Variants in CIT observed in about 807,000 individuals in gnomAD.
The protein encoded by CIT is citron rho-interacting serine/threonine kinase.
A neutral mutation model predicts 272.7 loss-of-function variants in CIT; 79 were observed. The observed-to-expected ratio is 0.29, with a 90% CI of 0.24 to 0.35. The LOEUF is 0.35. Among genes scored for constraint, CIT ranks in the 10% least tolerant of loss-of-function variants. The pLI is 1.00. For missense variants in CIT, 1,909 were observed against 2,618.3 expected (o/e 0.73, Z 5.91); for synonymous variants, 948 against 995.6 (o/e 0.95, Z 0.90).
chr12:119,747,265 T>C (rs1174636261), intron 23 of CIT, among the ~76,000 whole-genome samples: 2 of 145,582 alleles, frequency 1.4e-5, no homozygotes, highest in Non-Finnish European at 3.0e-5. Context: ...TACTAAAAAT[T>C]TAAAAATTAG....
chr12:119,749,781 C>T (rs972514922), intron 23 of CIT, among the ~76,000 whole-genome samples: 1 of 151,974 alleles, frequency 6.6e-6, no homozygotes, highest in Admixed American at 6.6e-5. Flanking sequence ...TAAATTAAGT[C>T]GTGACTTGCT....
rs1306805716 is a variant in CIT, at chr12:119,760,952, C to T, written c.2408G>A (p.Ser803Asn). The T allele has an allele frequency of 1.2e-6, 2 of 1,612,644 alleles. No homozygotes were observed. The highest frequency in any genetic ancestry group is 3.3e-5 in the Admixed American group (2 of 59,996). The change falls in exon 20 of 48, where the codon AGC (serine) becomes AAC (asparagine). Residue 803 changes from serine to asparagine, a missense_variant. Around this residue, in one of 8 missense-constraint regions of CIT, gnomAD observed 530 missense variants for 822.4 expected, o/e 0.64. Coordinates refer to ENST00000392521, the MANE Select transcript of CIT (RefSeq NM_001206999.2). ...EEAHEKGKIL[S>N]EQKAMINAMD... ...CCTTCTACCTACCGCCTTCTGTTCG[C>T]TGAGAATTTTGCCCTTCTCATGGGC...
At chr12:119,743,230 T>TA (rs371168551) in intron 23 of CIT, among the ~76,000 whole-genome samples, 82 of 143,586 alleles carry the variant, frequency 5.7e-4, no homozygotes, top group East Asian at 1.4e-3. Flanking sequence ...GGGACCAGTT[T>TA]AAAAAAAAAA....
chr12:119,747,609 A>G (rs1376013439), intron 23 of CIT, among the ~76,000 whole-genome samples: 1 of 151,240 alleles, frequency 6.6e-6, no homozygotes, highest in Non-Finnish European at 1.5e-5. Flanking sequence ...AGTCCCAGCT[A>G]CTCGGGAGGC....
rs2074052 is a variant in CIT, at chr12:119,758,409, C to G, written c.2531+182G>C. Among the ~76,000 whole-genome samples the G allele has an allele frequency of 0.45, 68,182 of 151,892 alleles. 16,150 individuals are homozygous for G. Among genetic ancestry groups the G allele is most frequent in the Admixed American group, 0.56 (8,491 of 15,274 alleles). On this transcript the variant is annotated intron_variant, in intron 21 of 47. Transcript: ENST00000392521. Reference sequence around the variant, plus strand: ...TGAAGGCATTTAAGAAAACCCGACTCAAAAGTGGCAGAGTGAGACCACTTA... The same window carrying G: ...TGAAGGCATTTAAGAAAACCCGACTGAAAAGTGGCAGAGTGAGACCACTTA...
intron 7 of CIT, among the ~76,000 whole-genome samples, chr12:119,825,938 C>G (rs146087313): frequency 0.015 from 2,356 of 152,180 alleles, 32 homozygotes; most frequent in Non-Finnish European, 0.02. Flanking sequence ...TGTGGTGGTG[C>G]ACACCTGTGG....
intron 8 of CIT, among the ~76,000 whole-genome samples, chr12:119,824,536 TATC>T (rs1245355923): frequency 5.9e-5 from 9 of 152,224 alleles, no homozygotes; most frequent in Non-Finnish European, 1.2e-4. Context: ...GGTGTAGTCT[TATC>T]ATTACTGGCA....
At chr12:119,696,897 T>C (rs1425995022) in intron 46 of CIT, among the ~76,000 whole-genome samples, 1 of 152,196 alleles carries the variant, frequency 6.6e-6, no homozygotes, top group Non-Finnish European at 1.5e-5. Flanking sequence ...TGGCGATTGC[T>C]CCATGTCAGT....
intron 7 of CIT, among the ~76,000 whole-genome samples, chr12:119,829,270 G>A (rs550050137): frequency 7.2e-5 from 11 of 152,042 alleles, no homozygotes; most frequent in South Asian, 2.1e-4. Flanking sequence ...CCCAGGAGGC[G>A]GAGGTTGCAG....
intron 39 of CIT, among the ~76,000 whole-genome samples, chr12:119,709,811 T>A (rs879637536): frequency 0.038 from 5,655 of 149,376 alleles, 229 homozygotes; most frequent in African/African-American, 0.086. Context: ...TGTGTGTGTG[T>A]GTGTGTGTGT....
In CIT at chr12:119,784,846, A is replaced by C. The variant is rs1333776585; in HGVS notation, c.1401+114T>G. On this transcript the variant is annotated intron_variant, in intron 11 of 47. Transcript: ENST00000392521. This position sits in a 1 kb window ranked among gnomAD's most constrained non-coding sequence, Gnocchi z 4.7. Reference sequence around the variant, plus strand: ...ACTTCAGCGAAGGCAGGAGCGCCTCACTCTCTACGGATCAGGCGGCTCAGA... The same window carrying C: ...ACTTCAGCGAAGGCAGGAGCGCCTCCCTCTCTACGGATCAGGCGGCTCAGA... 6.8e-7 allele frequency: 1 copy of C among 1,479,948 alleles called. No individual in the cohort carries two copies. The highest frequency in any genetic ancestry group is 9.0e-7 in the Non-Finnish European group (1 of 1,116,206). 91.7% of individuals were successfully genotyped at this position (1,479,948 alleles called of 1,614,324 possible).
chr12:119,812,168 G>A (rs930134585), intron 9 of CIT, among the ~76,000 whole-genome samples: 3 of 151,820 alleles, frequency 2.0e-5, no homozygotes, highest in Non-Finnish European at 2.9e-5. Flanking sequence ...GGCTGGTCTC[G>A]AACTTCTGAC....
intron 7 of CIT, among the ~76,000 whole-genome samples, chr12:119,826,827 A>C (rs1297446675): frequency 6.6e-6 from 1 of 152,212 alleles, no homozygotes; most frequent in Non-Finnish European, 1.5e-5. Context: ...TGGGCTTTTC[A>C]CCAAGGAAGT....
In CIT at chr12:119,691,561, G is replaced by A. The variant is rs555176031; in HGVS notation, c.5883-1107C>T. On this transcript the variant is annotated intron_variant, in intron 46 of 47. Transcript: ENST00000392521. The stretch of plus-strand genomic sequence containing the variant: ...CTGATAGAGTCAGGAAACTGAGCAG[G>A]GCAGACAAAGTAAAGCGGGCTCAGA... Among the ~76,000 whole-genome samples, 13 of 152,272 alleles carry A rather than the reference G, an allele frequency of 8.5e-5. No homozygotes were observed. The East Asian group carries it at 2.5e-3, about 29-fold the overall frequency.
At chr12:119,756,349 T>C (rs1960982192) in intron 22 of CIT, among the ~76,000 whole-genome samples, 1 of 151,864 alleles carries the variant, frequency 6.6e-6, no homozygotes, top group African/African-American at 2.4e-5. Context: ...AGGGTGGGAG[T>C]GGCCCCAGCA....
chr12:119,736,854 C>T (rs932682101), intron 24 of CIT, among the ~76,000 whole-genome samples: 37 of 152,102 alleles, frequency 2.4e-4, no homozygotes, highest in East Asian at 1.9e-4. Context: ...ATAATGTCTC[C>T]ATTTAACTAC....
At chr12:119,788,920 CT>C (rs1454489930) in intron 10 of CIT, among the ~76,000 whole-genome samples, 1 of 151,986 alleles carries the variant, frequency 6.6e-6, no homozygotes, top group Non-Finnish European at 1.5e-5. Context: ...AAAATTGCAT[CT>C]AAAAAAAAGC....
intron 10 of CIT, among the ~76,000 whole-genome samples, chr12:119,793,019 T>C (rs1301634146): frequency 1.3e-5 from 2 of 151,926 alleles, no homozygotes; most frequent in East Asian, 1.9e-4. Flanking sequence ...CACCTGGAAA[T>C]ATCAAAAACA....
intron 9 of CIT, among the ~76,000 whole-genome samples, chr12:119,812,953 C>G (rs770113820): frequency 6.6e-6 from 1 of 152,152 alleles, no homozygotes; most frequent in African/African-American, 2.4e-5. Flanking sequence ...TAAAACTTCC[C>G]CTTTTACTGC....
Sources: allele counts gnomAD v4.1 joint callset (sites outside exome capture counted in the v4.1 genomes callset), GRCh38; gene constraint gnomAD v4.1.1; regional missense constraint gnomAD v4.1.1; non-coding constraint Gnocchi (gnomAD v3.1); transcripts MANE v1.5; gene names NCBI Gene and HGNC (gene_info 2026-07-23, HGNC 2026-07-21).